Variants in ALS2CL observed in about 807,000 individuals in gnomAD.
ALS2CL encodes ALS2 C-terminal like.
A neutral mutation model predicts 127.9 loss-of-function variants in ALS2CL; 112 were observed. That is an observed-to-expected ratio of 0.88 (90% confidence interval 0.75 to 1.02). ALS2CL has a LOEUF of 1.02. Ranked by LOEUF, ALS2CL falls within the 50% of genes least tolerant of loss-of-function variation. The pLI, the probability that ALS2CL is intolerant of heterozygous loss-of-function variation, is 0.00. For missense variants in ALS2CL, 1,174 were observed against 1,236.7 expected (o/e 0.95, Z 0.76); for synonymous variants, 519 against 527.6 (o/e 0.98, Z 0.22).
At chr3:46,687,821 A>C in intron 3 of ALS2CL, 137 bp from the exon 4 acceptor site, 1 of 911,146 alleles carries the variant, frequency 1.1e-6, no homozygotes. Context: ...GGCTCTGGGC[A>C]CTGGAGACCT....
At chr3:46,671,720 C>T (rs1559454328) in intron 24 of ALS2CL, 136 bp from the exon 25 acceptor site, 1 of 1,538,696 alleles carries the variant, frequency 6.5e-7, no homozygotes, top group Non-Finnish European at 8.7e-7. Flanking sequence ...CTCTAGCACC[C>T]CAGCACCCTG....
chr3:46,682,645 G>C (rs755696944), intron 10 of ALS2CL, among the ~76,000 whole-genome samples: 2 of 152,236 alleles, frequency 1.3e-5, no homozygotes, highest in Non-Finnish European at 2.9e-5. Context: ...GGGTCACACA[G>C]ACCTGTGATT....
At chr3:46,676,607 T>G in intron 18 of ALS2CL, 35 bp downstream of exon 18, 1 of 1,605,210 alleles carries the variant, frequency 6.2e-7, no homozygotes, top group Non-Finnish European at 8.5e-7. Flanking sequence ...ACAGTGACAA[T>G]GTCACCCCCT....
rs76145045 is a variant in ALS2CL at position 46,679,085 on chromosome 3, T to C, written c.1626+125A>G. 6,806 of 999,774 alleles carry C rather than the reference T, an allele frequency of 6.8e-3. 293 individuals are homozygous for C. The African/African-American group carries it at 0.097, about 14-fold the overall frequency. The allele number at this position is 999,774 out of a possible 1,614,324, so 61.9% of individuals were successfully genotyped here. On this transcript the variant is annotated intron_variant, in intron 15 of 25. Transcript: ENST00000318962. ...AGGGTGGAGTTGCTGTGCCCACTCC[T>C]TGGCTCCAAGGGAGGTGGGACAGGC...
At position 46,687,048 on chromosome 3, in the gene ALS2CL, G is replaced by C; in HGVS notation, c.469C>G (p.Pro157Ala). The C allele has an allele frequency of 6.2e-7, 1 of 1,603,856 alleles. No homozygotes were observed. Among genetic ancestry groups the C allele is most frequent in the South Asian group, 1.1e-5 (1 of 90,324 alleles). Residue 157 changes from proline to alanine, a missense_variant, in exon 5 of 26, where the codon CCA (proline) becomes GCA (alanine). Pro to Ala is a conservative substitution (Grantham distance 27). Transcript: ENST00000318962. ...GASLGQALHQ[P>A]LAHHVQQYVL... is the part of the protein sequence containing the mutation. ...TACTGTTGCACGTGATGGGCGAGTG[G>C]CTGGTGGAGGGCCTGGCCCAGCGAT...
At chr3:46,685,341 C>T (rs1245060476) in intron 7 of ALS2CL, among the ~76,000 whole-genome samples, 184 bp downstream of exon 7, 1 of 152,210 alleles carries the variant, frequency 6.6e-6, no homozygotes, top group East Asian at 1.9e-4. Context: ...TTCCCCTCAG[C>T]CCATGCTCCT....
At chr3:46,688,062 A>C (rs751964332) in intron 3 of ALS2CL, 36 bp downstream of exon 3, 2 of 1,600,360 alleles carry the variant, frequency 1.2e-6, no homozygotes, top group Admixed American at 3.3e-5. Context: ...CTCTGACACC[A>C]GGGATGAGCC....
At chr3:46,692,402 T>G (rs113579607) in intron 1 of ALS2CL, among the ~76,000 whole-genome samples, 5 of 148,578 alleles carry the variant, frequency 3.4e-5, no homozygotes, top group Non-Finnish European at 6.0e-5. Flanking sequence ...GTCAAGGGCA[T>G]AGCTTCCTCA....
Position 46,679,096 on chromosome 3 carries a change from G to A in ALS2CL, c.1626+114C>T, listed in dbSNP as rs949103368. ...GCTGTGCCCACTCCTTGGCTCCAAG[G>A]GAGGTGGGACAGGCCCTCCCCTACC... On this transcript the variant is annotated intron_variant, in intron 15 of 25. Transcript: ENST00000318962. The A allele has an allele frequency of 2.2e-5, 24 of 1,096,542 alleles. 2 individuals are homozygous for A. In the South Asian group the frequency reaches 2.8e-4, roughly 13 times the overall value. 67.9% of individuals were successfully genotyped at this position (1,096,542 alleles called of 1,614,324 possible). A position where few individuals can be genotyped will look rare whatever the true frequency, so the allele number is the denominator to read the frequency against.
At position 46,673,320 on chromosome 3, in the gene ALS2CL, G is replaced by T. The variant is rs780090010; in HGVS notation, c.2472+19C>A. On this transcript the variant is annotated intron_variant, in intron 22 of 25. Coordinates refer to ENST00000318962, the MANE Select transcript of ALS2CL (RefSeq NM_147129.5). ...GACCTCTGGGGGCCCCTGGCTTGGG[G>T]CTCTGGCCTCCCTCTCACCTGATTG... The T allele has an allele frequency of 1.3e-6, 2 of 1,558,010 alleles. No individual in the cohort carries two copies. The highest frequency in any genetic ancestry group is 1.7e-6 in the Non-Finnish European group (2 of 1,150,924).
rs747928465 is a variant in ALS2CL at position 46,678,317 on chromosome 3, T to C, written c.1699A>G (p.Thr567Ala). Residue 567 changes from threonine (T) to alanine (A), a missense_variant, in exon 16 of 26, where the codon ACA (threonine) becomes GCA (alanine). Coordinates refer to ENST00000318962, the MANE Select transcript of ALS2CL (RefSeq NM_147129.5). ...GCAGCCGTGTCCAGCACACCCTGTG[T>C]GTGCAGTCCTCTCCCTGCCCCACTG... Reference protein sequence around the residue: ...FGSGAGRGLHTQGVLDTAALP... With the variant: ...FGSGAGRGLHAQGVLDTAALP... The C allele has an allele frequency of 3.1e-6, 5 of 1,612,624 alleles. No individual in the cohort carries two copies. Among genetic ancestry groups the C allele is most frequent in the East Asian group, 2.2e-5 (1 of 44,850 alleles).
intron 1 of ALS2CL, among the ~76,000 whole-genome samples, chr3:46,692,384 C>G (rs1346594494): frequency 1.3e-5 from 2 of 152,140 alleles, no homozygotes; most frequent in African/African-American, 2.4e-5. Flanking sequence ...CTAACCTTCC[C>G]CCTTCCAGTC....
At chr3:46,676,509 T>C (rs1330977180) in intron 18 of ALS2CL, 107 bp from the exon 19 acceptor site, 4 of 1,543,260 alleles carry the variant, frequency 2.6e-6, no homozygotes, top group Non-Finnish European at 3.5e-6. Context: ...ACGAGAACAC[T>C]GAGGTCCTCT....
rs775126599 is a variant in ALS2CL, at chr3:46,681,295, A to G, written c.1387T>C (p.Trp463Arg). Residue 463 changes from tryptophan to arginine, a missense_variant, in exon 13 of 26, where the codon TGG becomes CGG. Trp to Arg is a moderately radical substitution (Grantham distance 101). Coordinates refer to ENST00000318962, the MANE Select transcript of ALS2CL (RefSeq NM_147129.5). This position sits in a 1 kb window ranked among gnomAD's most constrained non-coding sequence, Gnocchi z 4.9. ...APQPFRYTGH[W>R]ERGQRSGYGI... ...TAGCCGCTCCTCTGGCCCCTCTCCC[A>G]GTGGCCCGTGTACCTGAAGGGCTGG... 2.5e-6 allele frequency: 4 copies of G among 1,613,736 alleles called. No individual in the cohort carries two copies. Among genetic ancestry groups the G allele is most frequent in the South Asian group, 2.2e-5 (2 of 91,064 alleles).
At position 46,689,387 on chromosome 3, in the gene ALS2CL, G is replaced by A. The variant is rs147022145; in HGVS notation, c.54C>T (p.Ala18=). ...ALLRLEEVFS[A]TLAHVNSLVL... The stretch of plus-strand genomic sequence containing the variant: ...CAAGGCTGTTGACATGGGCGAGGGT[G>A]GCTGAGAAGACCTCCTCCAGCCGCA... Residue 18 remains alanine (A), a synonymous_variant, in exon 2 of 26, where the codon GCC becomes GCT. Coordinates refer to ENST00000318962, the MANE Select transcript of ALS2CL (RefSeq NM_147129.5). The A allele has an allele frequency of 5.0e-4, 799 of 1,612,356 alleles. 2 individuals are homozygous for A. Among genetic ancestry groups the A allele is most frequent in the Middle Eastern group, 1.7e-3 (10 of 6,052 alleles).
At chr3:46,687,234 C>T (rs1699862172) in intron 4 of ALS2CL, 86 bp from the exon 5 acceptor site, 3 of 1,401,592 alleles carry the variant, frequency 2.1e-6, no homozygotes, top group Admixed American at 2.7e-5. Flanking sequence ...CAGCTAATCC[C>T]CTCAGATCCC....
At chr3:46,687,407 G>T (rs1699871630) in intron 4 of ALS2CL, among the ~76,000 whole-genome samples, 1 of 152,262 alleles carries the variant, frequency 6.6e-6, no homozygotes, top group African/African-American at 2.4e-5. Flanking sequence ...GGCCAGCCCA[G>T]CTAGAGCGGG....
Position 46,676,647 on chromosome 3 carries a change from T to C in ALS2CL, c.2023A>G (p.Arg675Gly). ...CACCCCAGCAGGGCTCTCACCTTCC[T>C]GAGGTACAGCTGCAGGGCCTTGGGC... ...REPKALQLYLRKALSNSLHPL... is the reference protein window; with the variant it reads ...REPKALQLYLGKALSNSLHPL... Residue 675 changes from arginine to glycine, a missense_variant, in exon 18 of 26, where the codon AGG (arginine) becomes GGG (glycine). By Grantham distance (125) the Arg-to-Gly change is moderately radical. Transcript: ENST00000318962. 6.2e-7 allele frequency: 1 copy of C among 1,613,224 alleles called. No homozygotes were observed. The highest frequency in any genetic ancestry group is 1.1e-5 in the South Asian group (1 of 91,026).
rs1047438706 is a variant in ALS2CL, at chr3:46,670,385, A to T, written c.*599T>A. The stretch of plus-strand genomic sequence containing the variant: ...ATCACAGGAGAATGATTTACAAGCC[A>T]CTTGGGGCCTGCTGGCAGTGAGGGT... On this transcript the variant is annotated 3_prime_UTR_variant, in exon 26 of 26. Coordinates refer to ENST00000318962, the MANE Select transcript of ALS2CL (RefSeq NM_147129.5). The surrounding 1 kb of genome is among the most constrained non-coding windows in gnomAD (Gnocchi z 5.5). 2.6e-5 allele frequency: 4 copies of T among 153,468 alleles called. No homozygotes were observed. The highest frequency in any genetic ancestry group is 2.9e-5 in the Non-Finnish European group (2 of 68,912). The allele number at this position is 153,468 out of a possible 1,614,324, so 9.5% of individuals were successfully genotyped here.
Sources: gnomAD v4.1 joint callset for allele counts (sites outside exome capture counted in the v4.1 genomes callset) on GRCh38, gnomAD v4.1.1 for gene constraint, Gnocchi (gnomAD v3.1) non-coding constraint, MANE v1.5 for transcripts, NCBI Gene and HGNC (gene_info 2026-07-23, HGNC 2026-07-21) for gene names.